Variants in BRCA2 observed in about 807,000 individuals in gnomAD.
BRCA2 encodes the protein BRCA2 DNA repair associated, also known as breast cancer type 2 susceptibility protein.
In BRCA2, 203 loss-of-function variants were observed where a neutral mutation model predicts 276.7. That is an observed-to-expected ratio of 0.73 (90% CI 0.65 to 0.82). The LOEUF (loss-of-function observed/expected upper bound fraction) is 0.82, where lower values mean the gene tolerates loss of function less well. BRCA2 is among the 40% of genes least tolerant of loss of function. BRCA2 has a pLI of 0.00. For synonymous variants in BRCA2, 1,289 were observed against 1,338.4 expected, an observed-to-expected ratio of 0.96 and a Z score of 0.81; for missense variants, 3,920 against 3,915.0, an observed-to-expected ratio of 1.00 and a Z score of -0.03.
rs1320894839 is a variant in BRCA2, at chr13:32,360,983, T to C, written c.7806-1540T>C. Among the ~76,000 whole-genome samples the C allele has an allele frequency of 7.2e-5, 11 of 152,116 alleles. No homozygotes were observed. The East Asian group carries it at 2.1e-3, about 29-fold the overall frequency. ...TGAGAAGACCAAAGATGGAGGGAAA[T>C]GGAGAGTTTGGTTTTGGACATTTGA... is the stretch of plus-strand genomic sequence containing the variant. On this transcript the variant is annotated intron_variant, in intron 16 of 26. Coordinates refer to ENST00000380152, the MANE Select transcript of BRCA2 (RefSeq NM_000059.4).
At chr13:32,389,818 C>A (rs769022313) in intron 24 of BRCA2, among the ~76,000 whole-genome samples, 16 of 152,300 alleles carry the variant, frequency 1.1e-4, no homozygotes, top group Non-Finnish European at 2.1e-4. Flanking sequence ...TTATGTCAGT[C>A]AGTCCTGGTC....
rs886040799 is a variant in BRCA2, at chr13:32,379,472, G to T, written c.8910G>T (p.Trp2970Cys). 1 of 1,613,348 alleles carries T rather than the reference G, an allele frequency of 6.2e-7. No individual in the cohort carries two copies. The highest frequency in any genetic ancestry group is 8.5e-7 in the Non-Finnish European group (1 of 1,179,782). ...TATCAAGGGATGTCACAACCGTGTGGAAGTTGCGTATTGTAAGCTATTCAA... is the reference window on the plus strand; with the variant it reads ...TATCAAGGGATGTCACAACCGTGTGTAAGTTGCGTATTGTAAGCTATTCAA... ...QGLSRDVTTVWKLRIVSYSKK... is the reference protein window; with the variant it reads ...QGLSRDVTTVCKLRIVSYSKK... Residue 2970 changes from tryptophan to cysteine, a missense_variant, in exon 22 of 27, where the codon TGG becomes TGT. By Grantham distance (215) the Trp-to-Cys change is radical (BLOSUM62 -2). This residue lies in a region of BRCA2 where 657 missense variants were observed against 758.2 expected (regional missense o/e 0.87). Coordinates refer to ENST00000380152, the MANE Select transcript of BRCA2 (RefSeq NM_000059.4).
At position 32,344,666 on chromosome 13, in the gene BRCA2, T is replaced by C. The variant is rs587780868; in HGVS notation, c.6937+13T>C. Reference sequence around the variant, plus strand: ...AGCACTCCAGATGGTAAAATTAGCTTTTTATTTATATCTGTTCTCCCTCTA... The same window carrying C: ...AGCACTCCAGATGGTAAAATTAGCTCTTTATTTATATCTGTTCTCCCTCTA... On this transcript the variant is annotated intron_variant, in intron 12 of 26. Coordinates refer to ENST00000380152, the MANE Select transcript of BRCA2 (RefSeq NM_000059.4). 1 of 1,510,504 alleles carries C rather than the reference T, an allele frequency of 6.6e-7. No homozygotes were observed. The highest frequency in any genetic ancestry group is 9.2e-7 in the Non-Finnish European group (1 of 1,086,968). The allele number at this position is 1,510,504 out of a possible 1,614,324, so 93.6% of individuals were successfully genotyped here.
chr13:32,382,120 T>A (rs1201042646), intron 24 of BRCA2, among the ~76,000 whole-genome samples: 6 of 152,106 alleles, frequency 3.9e-5, no homozygotes, highest in African/African-American at 1.2e-4. Context: ...TACTACAAAT[T>A]TTTTTGTATT....
rs994319321 is a variant in BRCA2 at position 32,363,340 on chromosome 13, C to T, written c.8138C>T (p.Thr2713Ile). The T allele has an allele frequency of 6.2e-7, 1 of 1,613,982 alleles. No individual in the cohort carries two copies. Among genetic ancestry groups the T allele is most frequent in the African/African-American group, 1.3e-5 (1 of 74,888 alleles). ...AGCAATAAAACTAGTAGTGCAGATA[C>T]CCAAAAAGTGGCCATTATTGAACTT... ...TSSNKTSSAD[T>I]QKVAIIELTD... Residue 2713 changes from threonine to isoleucine, a missense_variant, in exon 18 of 27, where the codon ACC becomes ATC. Thr to Ile is a moderately conservative substitution (Grantham distance 89). Coordinates refer to ENST00000380152, the MANE Select transcript of BRCA2 (RefSeq NM_000059.4).
At chr13:32,315,729 C>CG (rs1460922772) in intron 1 of BRCA2, 62 bp downstream of exon 1, 1 of 153,508 alleles carries the variant, frequency 6.5e-6, no homozygotes, top group Non-Finnish European at 1.4e-5. Context: ...TCCAGCGTGG[C>CG]GGGGGAGCGC....
chr13:32,395,531 A>G lies in BRCA2; in HGVS notation c.9501+598A>G, dbSNP rs555429992. 5.3e-5 allele frequency among the ~76,000 whole-genome samples: 8 copies of G among 152,254 alleles called. 1 individual carries two copies. The highest frequency in any genetic ancestry group is 2.6e-4 in the Admixed American group (4 of 15,294). ...AGGTAGGGAACTGTTTTTCTATTTT[A>G]TCAGTGAGAAACAGGTTAAATGGCT... On this transcript the variant is annotated intron_variant, in intron 25 of 26. Coordinates refer to ENST00000380152, the MANE Select transcript of BRCA2 (RefSeq NM_000059.4).
rs876660874 is a variant in BRCA2, at chr13:32,357,905, A to G, written c.7781A>G (p.Lys2594Arg). 1.9e-6 allele frequency: 3 copies of G among 1,614,132 alleles called. No individual in the cohort carries two copies. The highest frequency in any genetic ancestry group is 8.5e-7 in the Non-Finnish European group (1 of 1,179,992). The change falls in exon 16 of 27, where the codon AAG becomes AGG. Residue 2594 changes from lysine to arginine, a missense_variant. This residue lies in a region of BRCA2 where 3,263 missense variants were observed against 3,156.9 expected (regional missense o/e 1.03). Transcript: ENST00000380152. ...GGWLIPSNDG[K>R]AGKEEFYRAL... ...TGGCTCATACCCTCCAATGATGGAA[A>G]GGCTGGAAAAGAAGAATTTTATAGG...
chr13:32,319,914 A>G (rs1024466893), intron 3 of BRCA2, among the ~76,000 whole-genome samples: 1 of 152,228 alleles, frequency 6.6e-6, no homozygotes, highest in African/African-American at 2.4e-5. Context: ...TGCTAAGAGA[A>G]AAATATAAAA....
At chr13:32,333,651 G>A (rs2137477119) in intron 10 of BRCA2, among the ~76,000 whole-genome samples, 1 of 152,208 alleles carries the variant, frequency 6.6e-6, no homozygotes, top group East Asian at 1.9e-4. Context: ...TGCAGGATGT[G>A]CAGGTTTGTT....
At chr13:32,372,847 T>C (rs1234635114) in intron 20 of BRCA2, among the ~76,000 whole-genome samples, 2 of 152,150 alleles carry the variant, frequency 1.3e-5, no homozygotes, top group Non-Finnish European at 2.9e-5. Context: ...TATGAGCCTG[T>C]AAAATCAAAA....
At chr13:32,319,586 C>G (rs1408158377) in intron 3 of BRCA2, among the ~76,000 whole-genome samples, 1 of 152,146 alleles carries the variant, frequency 6.6e-6, no homozygotes, top group African/African-American at 2.4e-5. Flanking sequence ...TGCTGAATTA[C>G]GTCTTTCTTA....
At chr13:32,344,779 C>G in intron 12 of BRCA2, 126 bp downstream of exon 12, 1 of 680,776 alleles carries the variant, frequency 1.5e-6, no homozygotes, top group Non-Finnish European at 2.6e-6. Context: ...TGTGCCTAAT[C>G]AAGGACCTCT....
rs786201992 is a variant in BRCA2, at chr13:32,370,520, G to A, written c.8450G>A (p.Cys2817Tyr). ...TTCAGTGATGGAGGAAATGTTGGTT[G>A]TGTTGATGTAATTATTCAAAGAGCA... is the stretch of plus-strand genomic sequence containing the variant. The part of the protein sequence containing the change: ...SLFSDGGNVG[C>Y]VDVIIQRAYP... The change falls in exon 19 of 27, where the codon TGT (cysteine) becomes TAT (tyrosine). Residue 2817 changes from cysteine to tyrosine, a missense_variant. By Grantham distance (194) the Cys-to-Tyr change is radical. Coordinates refer to ENST00000380152, the MANE Select transcript of BRCA2 (RefSeq NM_000059.4). 3.1e-6 allele frequency: 5 copies of A among 1,613,926 alleles called. No individual in the cohort carries two copies. The highest frequency in any genetic ancestry group is 4.2e-6 in the Non-Finnish European group (5 of 1,179,786).
intron 25 of BRCA2, 64 bp from the exon 26 acceptor site, chr13:32,396,825 AAGGAAATAC>A: frequency 6.3e-7 from 1 of 1,578,470 alleles, no homozygotes; most frequent in Non-Finnish European, 8.7e-7. Context: ...TCTGCTTTTA[AAGGAAATAC>A]TTTTGGAAAC....
In BRCA2 at chr13:32,332,543, A is replaced by T. The variant is rs1249299085; in HGVS notation, c.1065A>T (p.Val355=). The T allele has an allele frequency of 6.2e-7, 1 of 1,612,868 alleles. No homozygotes were observed. The highest frequency in any genetic ancestry group is 8.5e-7 in the Non-Finnish European group (1 of 1,179,680). The part of the protein sequence containing the change: ...KNQVKEKYSF[V]SEVEPNDTDP... ...AAGTGAAAGAAAAATACTCATTTGT[A>T]TCTGAAGTGGAACCAAATGATACTG... The change falls in exon 10 of 27, where the codon GTA becomes GTT. Residue 355 remains valine, a synonymous_variant. Coordinates refer to ENST00000380152, the MANE Select transcript of BRCA2 (RefSeq NM_000059.4).
intron 24 of BRCA2, among the ~76,000 whole-genome samples, chr13:32,391,011 G>A (rs996735815): frequency 6.6e-6 from 1 of 152,128 alleles, no homozygotes; most frequent in Admixed American, 6.5e-5. Flanking sequence ...TATACTTTCA[G>A]GCCCTAAAGC....
rs987426563 is a variant in BRCA2, at chr13:32,319,357, A to G, written c.316+32A>G. 1.9e-6 allele frequency: 3 copies of G among 1,583,218 alleles called. No individual in the cohort carries two copies. Among genetic ancestry groups the G allele is most frequent in the Non-Finnish European group, 2.6e-6 (3 of 1,154,320 alleles). ...AATGCAATATGGTAGACTGGGGAGA[A>G]CTACAAACTAGGAATTTAGGCAAAC... On this transcript the variant is annotated intron_variant, in intron 3 of 26. Coordinates refer to ENST00000380152, the MANE Select transcript of BRCA2 (RefSeq NM_000059.4).
At chr13:32,395,193 C>T (rs2073027836) in intron 25 of BRCA2, among the ~76,000 whole-genome samples, 1 of 152,118 alleles carries the variant, frequency 6.6e-6, no homozygotes, top group Non-Finnish European at 1.5e-5. Context: ...ACTTTGTAAG[C>T]AAACTGGAAA....
Sources: gnomAD v4.1 joint callset for allele counts (sites outside exome capture counted in the v4.1 genomes callset) on GRCh38, gnomAD v4.1.1 for gene constraint, gnomAD v4.1.1 regional missense constraint, MANE v1.5 for transcripts, NCBI Gene and HGNC (gene_info 2026-07-23, HGNC 2026-07-21) for gene names.